Variants in CNTN4 observed in about 807,000 individuals in gnomAD.
CNTN4 encodes contactin 4.
CNTN4 carries 77 observed loss-of-function variants against 122.5 expected under a neutral mutation model. That is an observed-to-expected ratio of 0.63 (90% confidence interval 0.52 to 0.76). The LOEUF is 0.76. Ranked by LOEUF, CNTN4 falls within the 30% of genes least tolerant of loss-of-function variation. The pLI, the probability that CNTN4 is intolerant of heterozygous loss-of-function variation, is 0.00. For synonymous variants in CNTN4, 512 were observed against 447.0 expected, an observed-to-expected ratio of 1.15 and a Z score of -1.83; for missense variants, 1,256 against 1,259.1, an observed-to-expected ratio of 1.00 and a Z score of 0.04.
intron 3 of CNTN4, among the ~76,000 whole-genome samples, chr3:2,353,385 A>G (rs963285118): frequency 2.6e-5 from 4 of 152,130 alleles, no homozygotes; most frequent in Non-Finnish European, 5.9e-5. Context: ...AGGCTGCCCG[A>G]TCCCTGCAGT....
At chr3:2,746,343 A>C (rs184993881) in intron 6 of CNTN4, among the ~76,000 whole-genome samples, 113 of 152,320 alleles carry the variant, frequency 7.4e-4, no homozygotes, top group Non-Finnish European at 1.3e-3. Flanking sequence ...TTTCCAGCTT[A>C]AAATGTTTAA....
rs558662204 is a variant in CNTN4, at chr3:2,199,797, G to C, written c.-145+99158G>C. 3.0e-4 allele frequency among the ~76,000 whole-genome samples: 46 copies of C among 152,246 alleles called. No individual in the cohort carries two copies. In the South Asian group the frequency reaches 9.5e-3, roughly 32 times the overall value. On this transcript the variant is annotated intron_variant, in intron 2 of 24. Coordinates refer to ENST00000418658, the MANE Select transcript of CNTN4 (RefSeq NM_175607.3). ...AATTAAAACAGGAAATGTGTAAGTT[G>C]TTACTTTAGGTTAGGTAGTTGGTGT...
intron 3 of CNTN4, among the ~76,000 whole-genome samples, chr3:2,460,108 G>T (rs2151425942): frequency 6.6e-6 from 1 of 152,168 alleles, no homozygotes; most frequent in East Asian, 1.9e-4. Flanking sequence ...TATAGCAGGT[G>T]TAGAGTTAAA....
chr3:2,384,938 C>T (rs550090150), intron 3 of CNTN4, among the ~76,000 whole-genome samples: 16 of 152,126 alleles, frequency 1.1e-4, no homozygotes, highest in South Asian at 4.2e-4. Context: ...TTTCATATAG[C>T]CCCTTCTACA....
At chr3:2,552,217 A>T (rs1338980171) in intron 3 of CNTN4, among the ~76,000 whole-genome samples, 2 of 152,174 alleles carry the variant, frequency 1.3e-5, no homozygotes, top group Admixed American at 1.3e-4. Flanking sequence ...TTTTACAAAC[A>T]TAACAAAACA....
intron 2 of CNTN4, among the ~76,000 whole-genome samples, chr3:2,203,890 C>A (rs192469276): frequency 6.6e-4 from 101 of 152,166 alleles, no homozygotes; most frequent in African/African-American, 2.4e-3. Context: ...GATGAGAAAT[C>A]TGACACATAA....
chr3:2,394,101 G>T (rs181000252), intron 3 of CNTN4, among the ~76,000 whole-genome samples: 1 of 151,838 alleles, frequency 6.6e-6, no homozygotes, highest in Admixed American at 6.6e-5. Flanking sequence ...GCTCATCAAT[G>T]AAAGCTAAAT....
chr3:2,824,312 A>C (rs1013165900), intron 7 of CNTN4, among the ~76,000 whole-genome samples: 2 of 151,984 alleles, frequency 1.3e-5, no homozygotes, highest in African/African-American at 4.8e-5. Flanking sequence ...AAATACAAAA[A>C]TTAGTCTGCT....
chr3:2,279,647 A>G (rs151050858), intron 2 of CNTN4, among the ~76,000 whole-genome samples: 69 of 152,290 alleles, frequency 4.5e-4, no homozygotes, highest in African/African-American at 1.6e-3. Flanking sequence ...ATGAAAAGGC[A>G]TTTTTGACAG....
chr3:2,106,466 C>G (rs2032451039), intron 2 of CNTN4, among the ~76,000 whole-genome samples: 1 of 152,360 alleles, frequency 6.6e-6, no homozygotes. Context: ...TGCACACCCA[C>G]AGGACGAACA....
chr3:2,121,017 A>C (rs12490084), intron 2 of CNTN4, among the ~76,000 whole-genome samples: 33,495 of 151,898 alleles, frequency 0.22, 4,663 homozygotes, highest in Admixed American at 0.33. Context: ...CTTTCTCTGC[A>C]TCTGAAGCCA....
chr3:2,245,346 C>T (rs113786192), intron 2 of CNTN4, among the ~76,000 whole-genome samples: 6 of 151,950 alleles, frequency 3.9e-5, no homozygotes, highest in Non-Finnish European at 5.9e-5. Flanking sequence ...AAACACTTTC[C>T]GAGTAGCTAC....
intron 3 of CNTN4, among the ~76,000 whole-genome samples, chr3:2,420,254 T>A (rs2047565545): frequency 6.6e-6 from 1 of 152,138 alleles, no homozygotes; most frequent in Non-Finnish European, 1.5e-5. Context: ...ACAAGTGAGC[T>A]TCATATAAGG....
At position 2,450,465 on chromosome 3, in the gene CNTN4, T is replaced by A. The variant is rs368803714; in HGVS notation, c.-89+111232T>A. ...GATAGAAGAGATGTGTTTGTATGTT[T>A]TCTTGTTTAAAGATTTTTGAAGGCT... On this transcript the variant is annotated intron_variant, in intron 3 of 24. Coordinates refer to ENST00000418658, the MANE Select transcript of CNTN4 (RefSeq NM_175607.3). Among the ~76,000 whole-genome samples, 6 of 152,298 alleles carry A rather than the reference T, an allele frequency of 3.9e-5. No homozygotes were observed. In the South Asian group the frequency reaches 8.3e-4, roughly 21 times the overall value.
chr3:3,049,952 G>A (rs1701084689), intron 23 of CNTN4, among the ~76,000 whole-genome samples: 1 of 152,162 alleles, frequency 6.6e-6, no homozygotes. Flanking sequence ...CTTTTGTAGA[G>A]TCTTACTCAG....
rs114974746 is a variant in CNTN4, at chr3:2,827,046, A to C, written c.454+7465A>C. Among the ~76,000 whole-genome samples, 791 of 152,268 alleles carry C rather than the reference A, an allele frequency of 5.2e-3. 8 individuals are homozygous for C. Among genetic ancestry groups the C allele is most frequent in the African/African-American group, 0.018 (753 of 41,554 alleles). On this transcript the variant is annotated intron_variant, in intron 7 of 24. Coordinates refer to ENST00000418658, the MANE Select transcript of CNTN4 (RefSeq NM_175607.3). ...ATTCTTTGCATTCTAAGTATTGCTTAAGTCTAGGAAGTCTAGTTACTGGGC... is the reference window on the plus strand; with the variant it reads ...ATTCTTTGCATTCTAAGTATTGCTTCAGTCTAGGAAGTCTAGTTACTGGGC...
intron 4 of CNTN4, among the ~76,000 whole-genome samples, chr3:2,595,006 A>G (rs2080698836): frequency 6.6e-6 from 1 of 152,228 alleles, no homozygotes; most frequent in South Asian, 2.1e-4. Context: ...TCCATCTCAC[A>G]TTGGGTATGT....
At chr3:2,347,568 C>A (rs1018109671) in intron 3 of CNTN4, among the ~76,000 whole-genome samples, 8 of 152,018 alleles carry the variant, frequency 5.3e-5, no homozygotes, top group Non-Finnish European at 8.8e-5. Flanking sequence ...CATCATCACA[C>A]CCAGCTAATT....
At chr3:2,825,960 C>G (rs1402641078) in intron 7 of CNTN4, among the ~76,000 whole-genome samples, 1 of 152,122 alleles carries the variant, frequency 6.6e-6, no homozygotes, top group African/African-American at 2.4e-5. Context: ...ACACGAACAT[C>G]TGTAGAGTCC....
Sources: gnomAD v4.1 joint callset for allele counts (sites outside exome capture counted in the v4.1 genomes callset) on GRCh38, gnomAD v4.1.1 for gene constraint, MANE v1.5 for transcripts, NCBI Gene and HGNC (gene_info 2026-07-23, HGNC 2026-07-21) for gene names.